NCKAP5: variants seen among roughly 807,000 people sequenced by gnomAD.
NCKAP5 encodes NCK associated protein 5.
In NCKAP5, 92 loss-of-function variants were observed where a neutral mutation model predicts 167.0. That is an observed-to-expected ratio of 0.55 (90% CI 0.47 to 0.66). NCKAP5 has a LOEUF of 0.66. Among genes scored for constraint, NCKAP5 ranks in the 30% least tolerant of loss-of-function variants. The probability of loss-of-function intolerance (pLI) is 0.00; values close to 1 mark genes in which losing one functional copy is unlikely to be tolerated. For synonymous variants in NCKAP5, 891 were observed against 877.4 expected, an observed-to-expected ratio of 1.02 and a Z score of -0.27; for missense variants, 2,378 against 2,315.0, an observed-to-expected ratio of 1.03 and a Z score of -0.56.
At chr2:132,905,500 A>C (rs1574583480) in intron 8 of NCKAP5, among the ~76,000 whole-genome samples, 1 of 152,060 alleles carries the variant, frequency 6.6e-6, no homozygotes, top group East Asian at 1.9e-4. Flanking sequence ...CTCTAATTCT[A>C]CTGATTTTTT....
intron 3 of NCKAP5, among the ~76,000 whole-genome samples, chr2:133,502,947 C>T (rs558093522): frequency 4.6e-5 from 7 of 152,066 alleles, no homozygotes; most frequent in Non-Finnish European, 8.8e-5. Flanking sequence ...CTCTATGTTG[C>T]GATGGTAGGC....
chr2:133,518,671 T>G (rs541429842), intron 2 of NCKAP5, among the ~76,000 whole-genome samples: 5 of 151,804 alleles, frequency 3.3e-5, no homozygotes, highest in African/African-American at 9.7e-5. Flanking sequence ...GGATTTCTTA[T>G]CCACTAGCCA....
chr2:133,275,065 C>T (rs2089670806), intron 4 of NCKAP5, among the ~76,000 whole-genome samples: 1 of 150,074 alleles, frequency 6.7e-6, no homozygotes, highest in Admixed American at 6.6e-5. Context: ...TAAAGAACCA[C>T]AAATCAGTGG....
chr2:132,946,861 G>C (rs921042370), intron 8 of NCKAP5, among the ~76,000 whole-genome samples: 4 of 152,182 alleles, frequency 2.6e-5, no homozygotes, highest in Non-Finnish European at 5.9e-5. Flanking sequence ...TGGCGCCACC[G>C]CACTCCAGCC....
intron 3 of NCKAP5, among the ~76,000 whole-genome samples, chr2:133,500,645 G>C (rs1682423738): frequency 6.6e-6 from 1 of 152,152 alleles, no homozygotes; most frequent in South Asian, 2.1e-4. Flanking sequence ...ATTAAAGTAG[G>C]ATTACAAATT....
Position 133,136,907 on chromosome 2 carries a change from A to T in NCKAP5, c.208-6796T>A, listed in dbSNP as rs1219014317. Among the ~76,000 whole-genome samples the T allele has an allele frequency of 1.3e-5, 2 of 152,198 alleles. 1 individual carries two copies. Among genetic ancestry groups the T allele is most frequent in the Non-Finnish European group, 2.9e-5 (2 of 68,024 alleles). On this transcript the variant is annotated intron_variant, in intron 5 of 19. Coordinates refer to ENST00000409261, the MANE Select transcript of NCKAP5 (RefSeq NM_207363.3). ...CTTAAGAATTACACGGAGACCCAGA[A>T]CAATCCTTTTAATTCTCTCCCTACC...
intron 5 of NCKAP5, among the ~76,000 whole-genome samples, chr2:133,187,116 G>A (rs1048619168): frequency 2.6e-5 from 4 of 151,892 alleles, no homozygotes; most frequent in Admixed American, 2.0e-4. Flanking sequence ...TCTTATCATT[G>A]CTTTAGCTGA....
chr2:132,865,418 G>A (rs1319417379), intron 10 of NCKAP5, among the ~76,000 whole-genome samples: 2 of 152,096 alleles, frequency 1.3e-5, no homozygotes, highest in Non-Finnish European at 1.5e-5. Flanking sequence ...ACTCACCAAG[G>A]CTCCTGGAAA....
intron 4 of NCKAP5, among the ~76,000 whole-genome samples, chr2:133,278,915 C>A (rs752147725): frequency 7.9e-5 from 12 of 152,010 alleles, no homozygotes; most frequent in Non-Finnish European, 7.4e-5. Flanking sequence ...AAGAGGTAGT[C>A]AAGCTCACTC....
the NCKAP5 span, among the ~76,000 whole-genome samples, chr2:133,619,161 G>T: frequency 1.8e-5 from 2 of 112,136 alleles, no homozygotes; most frequent in Non-Finnish European, 1.8e-5. Context: ...GTTGTGGGGT[G>T]GGGGGAGGGG....
At chr2:133,117,973 G>A (rs2082134046) in intron 6 of NCKAP5, 1 of 152,128 alleles carries the variant, frequency 6.6e-6, no homozygotes, top group Admixed American at 6.6e-5. Flanking sequence ...TGCATTGTGA[G>A]TACCCATACC....
At chr2:133,626,748 G>C in the NCKAP5 span, among the ~76,000 whole-genome samples, 1 of 151,954 alleles carries the variant, frequency 6.6e-6, no homozygotes, top group Non-Finnish European at 1.5e-5. Flanking sequence ...GAAAGCAAGT[G>C]AAAACAGATA....
intron 8 of NCKAP5, among the ~76,000 whole-genome samples, chr2:132,928,457 T>G (rs1696092507): frequency 6.6e-6 from 1 of 152,208 alleles, no homozygotes; most frequent in African/African-American, 2.4e-5. Context: ...ACTCTATCTC[T>G]TCTTTGAGAT....
At chr2:133,335,939 G>A (rs1424218315) in intron 3 of NCKAP5, among the ~76,000 whole-genome samples, 1 of 152,084 alleles carries the variant, frequency 6.6e-6, no homozygotes, top group African/African-American at 2.4e-5. Context: ...TATAGTATTT[G>A]TTGTTTCTCA....
intron 19 of NCKAP5, among the ~76,000 whole-genome samples, chr2:132,706,183 C>T (rs980897495): frequency 2.0e-5 from 3 of 152,094 alleles, no homozygotes; most frequent in African/African-American, 4.8e-5. Flanking sequence ...CCTCTCTGTC[C>T]TTTCCTCTGA....
intron 3 of NCKAP5, among the ~76,000 whole-genome samples, chr2:133,509,082 T>C (rs954652519): frequency 2.0e-5 from 3 of 152,148 alleles, no homozygotes; most frequent in Admixed American, 2.0e-4. Flanking sequence ...GCTCCATGAC[T>C]CCAGCAAGGG....
At chr2:133,331,017 AT>A (rs1193594235) in intron 3 of NCKAP5, among the ~76,000 whole-genome samples, 3 of 152,282 alleles carry the variant, frequency 2.0e-5, no homozygotes, top group East Asian at 3.9e-4. Flanking sequence ...TATTATTCTT[AT>A]TTCACAGATC....
At chr2:133,250,399 G>C (rs1202990057) in intron 4 of NCKAP5, among the ~76,000 whole-genome samples, 1 of 152,076 alleles carries the variant, frequency 6.6e-6, no homozygotes, top group Non-Finnish European at 1.5e-5. Flanking sequence ...CACCAGCTTA[G>C]GGCATGTAAG....
intron 3 of NCKAP5, among the ~76,000 whole-genome samples, chr2:133,461,016 G>A (rs1243020479): frequency 6.6e-6 from 1 of 152,138 alleles, no homozygotes; most frequent in African/African-American, 2.4e-5. Context: ...ATGGGCTTAA[G>A]TAACTTTTCT....
Sources: gnomAD v4.1 joint callset for allele counts (sites outside exome capture counted in the v4.1 genomes callset) on GRCh38, gnomAD v4.1.1 for gene constraint, MANE v1.5 for transcripts, NCBI Gene and HGNC (gene_info 2026-07-23, HGNC 2026-07-21) for gene names.